The following SH3KBP1 variants were observed in gnomAD, a reference collection of about 807,000 sequenced individuals.
SH3KBP1 encodes SH3 domain-containing kinase-binding protein 1.
A neutral mutation model predicts 50.1 loss-of-function variants in SH3KBP1; 8 were observed. The ratio of observed to expected loss-of-function variants is 0.16; its 90% CI spans 0.09 to 0.29. The LOEUF is 0.29. Ranked by LOEUF, SH3KBP1 falls within the 10% of genes least tolerant of loss-of-function variation. The pLI, the probability that SH3KBP1 is intolerant of heterozygous loss-of-function variation, is 1.00. For missense variants in SH3KBP1, 377 were observed against 535.2 expected (o/e 0.70, Z 2.92); for synonymous variants, 227 against 218.6 (o/e 1.04, Z -0.34).
At chrX:19,686,658 G>A (rs1218875080) in intron 5 of SH3KBP1, among the ~76,000 whole-genome samples, 2 of 111,066 alleles carry the variant, frequency 1.8e-5, no homozygotes, top group Non-Finnish European at 3.8e-5. Context: ...GTGAGGTCAT[G>A]TGCAGTAGGG....
At chrX:19,566,783 C>T (rs899147492) in intron 13 of SH3KBP1, among the ~76,000 whole-genome samples, 10 of 111,907 alleles carry the variant, frequency 8.9e-5, no homozygotes, top group African/African-American at 6.5e-5. Context: ...AGGATGTAAA[C>T]GAGCTTGTGG....
At chrX:19,809,478 C>A (rs776620386) in intron 2 of SH3KBP1, among the ~76,000 whole-genome samples, 1 of 109,671 alleles carries the variant, frequency 9.1e-6, no homozygotes, top group Non-Finnish European at 1.9e-5. Context: ...GAGCCGAGAT[C>A]GCACCACTGC....
At chrX:19,548,127 TAA>T (rs890497212) in intron 14 of SH3KBP1, among the ~76,000 whole-genome samples, 51 of 112,328 alleles carry the variant, frequency 4.5e-4, no homozygotes, top group African/African-American at 1.6e-3. Context: ...TAGATGTCTA[TAA>T]AGAGTTGTTG....
rs963073084 is a variant in SH3KBP1, at chrX:19,764,675, C to A, written c.163-18234G>T. ...AGGCGATGGTGCATTATCATTAAAT[C>A]TTTTAGCCACAATTACTAAGTGCCT... On this transcript the variant is annotated intron_variant, in intron 2 of 17. Transcript: ENST00000397821. Among the ~76,000 whole-genome samples the A allele has an allele frequency of 6.4e-4, 72 of 111,795 alleles. 1 individual carries two copies. The highest frequency in any genetic ancestry group is 1.3e-4 in the Non-Finnish European group (7 of 53,152).
At chrX:19,625,991 G>A (rs2068006337) in intron 8 of SH3KBP1, among the ~76,000 whole-genome samples, 1 of 111,417 alleles carries the variant, frequency 9.0e-6, no homozygotes, top group Admixed American at 9.5e-5. Flanking sequence ...CAGAGAACAC[G>A]CATGGTCCCA....
intron 2 of SH3KBP1, among the ~76,000 whole-genome samples, chrX:19,793,524 T>A (rs1447165481): frequency 4.6e-5 from 5 of 109,855 alleles, no homozygotes; most frequent in African/African-American, 1.7e-4. Context: ...ACCTCCCACC[T>A]CTGAGTGCAC....
At chrX:19,589,661 TC>T (rs2066680121) in intron 11 of SH3KBP1, among the ~76,000 whole-genome samples, 1 of 110,554 alleles carries the variant, frequency 9.0e-6, no homozygotes, top group South Asian at 3.9e-4. Flanking sequence ...AAAGCATACA[TC>T]CACATTCTTC....
At chrX:19,868,142 G>C (rs747730619) in intron 1 of SH3KBP1, among the ~76,000 whole-genome samples, 1 of 112,144 alleles carries the variant, frequency 8.9e-6, no homozygotes, top group African/African-American at 3.2e-5. Flanking sequence ...CTCTGGCCAC[G>C]ATGTGCTAGT....
At chrX:19,584,641 C>T (rs988072494) in intron 12 of SH3KBP1, among the ~76,000 whole-genome samples, 3 of 110,948 alleles carry the variant, frequency 2.7e-5, no homozygotes, top group African/African-American at 9.9e-5. Context: ...CCCTGTAATA[C>T]GTTTTTTGTT....
intron 16 of SH3KBP1, among the ~76,000 whole-genome samples, chrX:19,539,560 T>C (rs964826712): frequency 1.8e-5 from 2 of 112,064 alleles, no homozygotes; most frequent in Non-Finnish European, 3.8e-5. Context: ...GGGGAGTTAA[T>C]TGGGGAAAGC....
intron 14 of SH3KBP1, among the ~76,000 whole-genome samples, chrX:19,548,850 C>G (rs184311527): frequency 4.8e-3 from 300 of 62,362 alleles, no homozygotes; most frequent in African/African-American, 0.023. Context: ...AGAGAGAAAT[C>G]GAACTTATAC....
intron 8 of SH3KBP1, among the ~76,000 whole-genome samples, chrX:19,621,000 A>G (rs1234873115): frequency 1.1e-5 from 1 of 89,784 alleles, no homozygotes; most frequent in Non-Finnish European, 2.1e-5. Flanking sequence ...TTTGTATAAT[A>G]GGTTCAGGTT....
intron 2 of SH3KBP1, among the ~76,000 whole-genome samples, chrX:19,757,250 G>A (rs1300796476): frequency 1.9e-5 from 2 of 103,530 alleles, no homozygotes; most frequent in African/African-American, 7.2e-5. Context: ...ACTGGGTCAC[G>A]CAAACCTGCC....
chrX:19,671,078 G>A, intron 6 of SH3KBP1: 1 of 958,709 alleles, frequency 1.0e-6, no homozygotes, highest in Non-Finnish European at 1.4e-6. Context: ...GTGGCTTCGA[G>A]AGAAGTCCTC....
intron 1 of SH3KBP1, among the ~76,000 whole-genome samples, chrX:19,840,312 A>G (rs1437266515): frequency 8.9e-6 from 1 of 112,538 alleles, no homozygotes. Context: ...CGTGTGCCAT[A>G]AGATACATCC....
At chrX:19,593,714 G>A (rs1455542813) in intron 10 of SH3KBP1, among the ~76,000 whole-genome samples, 1 of 111,577 alleles carries the variant, frequency 9.0e-6, no homozygotes, top group Non-Finnish European at 1.9e-5. Context: ...CTATTATACT[G>A]AAGAATCCAA....
chrX:19,812,274 A>G (rs771183551), intron 2 of SH3KBP1, among the ~76,000 whole-genome samples: 7 of 111,037 alleles, frequency 6.3e-5, no homozygotes, highest in Non-Finnish European at 1.3e-4. Flanking sequence ...TCCACAAATA[A>G]CTGTGTGTTT....
chrX:19,880,973 G>A (rs1056490555), intron 1 of SH3KBP1, among the ~76,000 whole-genome samples: 2 of 111,566 alleles, frequency 1.8e-5, no homozygotes, highest in East Asian at 2.8e-4. Context: ...ATATCGACCC[G>A]GTAAGATCCA....
chrX:19,588,448 A>T, intron 12 of SH3KBP1, 195 bp downstream of exon 12: 1 of 1,164,861 alleles, frequency 8.6e-7, no homozygotes, highest in South Asian at 1.9e-5. Flanking sequence ...CCTCACACTC[A>T]CTCCTGCCTG....
Sources: allele counts gnomAD v4.1 joint callset (sites outside exome capture counted in the v4.1 genomes callset), GRCh38; gene constraint gnomAD v4.1.1; transcripts MANE v1.5; gene names NCBI Gene and HGNC (gene_info 2026-07-23, HGNC 2026-07-21).